The following RBFOX1 variants were observed in gnomAD, a reference collection of about 807,000 sequenced individuals.
RBFOX1 encodes RNA binding protein fox-1 homolog 1.
Under a neutral mutation model 57.7 loss-of-function variants are expected in RBFOX1, and 8 were observed. The ratio of observed to expected loss-of-function variants is 0.14; its 90% CI spans 0.08 to 0.25. RBFOX1 has a LOEUF of 0.25. RBFOX1 is among the 10% of genes least tolerant of loss of function. The probability of loss-of-function intolerance (pLI) is 1.00; values close to 1 mark genes in which losing one functional copy is unlikely to be tolerated. For missense variants in RBFOX1, 611 were observed against 548.5 expected, an observed-to-expected ratio of 1.11 and a Z score of -1.14; for synonymous variants, 326 against 222.4, an observed-to-expected ratio of 1.47 and a Z score of -4.15.
intron 3 of RBFOX1, among the ~76,000 whole-genome samples, chr16:6,732,161 T>A (rs2068779436): frequency 1.3e-5 from 2 of 152,130 alleles, no homozygotes; most frequent in Admixed American, 6.5e-5. Flanking sequence ...ATACATCTGA[T>A]CCCTCCATCT....
chr16:6,544,356 C>T (rs4786104), intron 2 of RBFOX1, among the ~76,000 whole-genome samples: 1 of 152,196 alleles, frequency 6.6e-6, no homozygotes, highest in Admixed American at 6.5e-5. Flanking sequence ...TGGAAAACCA[C>T]CTTTTCCCCT....
At chr16:5,357,895 C>T (rs1056474161) in intron 1 of RBFOX1, among the ~76,000 whole-genome samples, 13 of 152,124 alleles carry the variant, frequency 8.5e-5, no homozygotes, top group African/African-American at 3.1e-4. Context: ...AAATGTAAAC[C>T]AGATAAAAAT....
chr16:6,735,400 G>C (rs2069903727), intron 3 of RBFOX1, among the ~76,000 whole-genome samples: 1 of 152,138 alleles, frequency 6.6e-6, no homozygotes, highest in African/African-American at 2.4e-5. Context: ...TTAAGGATTG[G>C]AAAATTGTAA....
In RBFOX1 at chr16:7,549,600, G is replaced by A. The variant is rs556302854; in HGVS notation, c.271-30177G>A. On this transcript the variant is annotated intron_variant, in intron 5 of 15. Transcript: ENST00000550418. ...CTGACAGTGAAACCTTCAGTCTGTG[G>A]TTGAAGGTCCAAGAGTCCAAAAGCT... Among the ~76,000 whole-genome samples the A allele has an allele frequency of 2.0e-5, 3 of 152,306 alleles. No individual in the cohort carries two copies. The East Asian group carries it at 5.8e-4, about 29-fold the overall frequency.
At chr16:5,555,116 G>A (rs562150153) in intron 2 of RBFOX1, among the ~76,000 whole-genome samples, 29 of 152,286 alleles carry the variant, frequency 1.9e-4, no homozygotes, top group African/African-American at 6.7e-4. Flanking sequence ...AAAGCCCGGG[G>A]TACAGGGCAA....
At chr16:7,403,124 A>G (rs529302642) in intron 4 of RBFOX1, among the ~76,000 whole-genome samples, 1 of 152,258 alleles carries the variant, frequency 6.6e-6, no homozygotes, top group South Asian at 2.1e-4. Flanking sequence ...AATATAAATT[A>G]TGTACATTTA....
At chr16:7,123,774 C>T (rs1441419268) in intron 4 of RBFOX1, among the ~76,000 whole-genome samples, 1 of 152,042 alleles carries the variant, frequency 6.6e-6, no homozygotes, top group Non-Finnish European at 1.5e-5. Context: ...CTATAGATTA[C>T]TAATAATTTA....
chr16:5,793,396 T>A (rs1245825930), intron 3 of RBFOX1, among the ~76,000 whole-genome samples: 1 of 152,236 alleles, frequency 6.6e-6, no homozygotes, highest in Non-Finnish European at 1.5e-5. Flanking sequence ...AAATCTCCCT[T>A]GGTGAAGATT....
At chr16:6,435,056 A>G (rs746108504) in intron 2 of RBFOX1, among the ~76,000 whole-genome samples, 11 of 152,200 alleles carry the variant, frequency 7.2e-5, no homozygotes, top group Non-Finnish European at 1.6e-4. Flanking sequence ...TTCCTCATTA[A>G]TTCCATTAAT....
chr16:7,521,888 A>G (rs538412712), intron 5 of RBFOX1, among the ~76,000 whole-genome samples: 2 of 152,172 alleles, frequency 1.3e-5, no homozygotes, highest in Non-Finnish European at 2.9e-5. Flanking sequence ...TTCTAATGGG[A>G]AACCATCCTG....
At chr16:6,497,551 T>A (rs2095804198) in intron 2 of RBFOX1, among the ~76,000 whole-genome samples, 1 of 135,838 alleles carries the variant, frequency 7.4e-6, no homozygotes, top group African/African-American at 2.6e-5. Flanking sequence ...ACACCGATTT[T>A]TGAAGTTTTT....
intron 4 of RBFOX1, among the ~76,000 whole-genome samples, chr16:7,472,866 G>A (rs1487151717): frequency 6.6e-6 from 1 of 152,162 alleles, no homozygotes; most frequent in Non-Finnish European, 1.5e-5. Flanking sequence ...GGAAATGTGG[G>A]ATTTCTCTTA....
At chr16:6,360,126 A>T (rs1204484510) in intron 2 of RBFOX1, among the ~76,000 whole-genome samples, 1 of 152,118 alleles carries the variant, frequency 6.6e-6, no homozygotes, top group Non-Finnish European at 1.5e-5. Context: ...TCCAGTATGC[A>T]TCTGTTCTTG....
At chr16:6,270,270 C>A (rs1383973032) in intron 1 of RBFOX1, among the ~76,000 whole-genome samples, 1 of 151,884 alleles carries the variant, frequency 6.6e-6, no homozygotes, top group African/African-American at 2.4e-5. Flanking sequence ...CCTATATACA[C>A]CCTTTGTAAG....
chr16:6,410,934 C>A (rs1194879676), intron 2 of RBFOX1, among the ~76,000 whole-genome samples: 2 of 152,166 alleles, frequency 1.3e-5, no homozygotes, highest in Non-Finnish European at 2.9e-5. Flanking sequence ...CATTTGTGGG[C>A]TGGCTAAGGA....
intron 1 of RBFOX1, among the ~76,000 whole-genome samples, chr16:5,363,199 A>ATTTTTTTTTTT: frequency 8.2e-6 from 1 of 121,746 alleles, no homozygotes; most frequent in Admixed American, 8.3e-5. Flanking sequence ...GCCCCTGGCT[A>ATTTTTTTTTTT]TTTTTTTTTT....
chr16:5,587,083 A>G (rs1172020583), intron 2 of RBFOX1, among the ~76,000 whole-genome samples: 1 of 152,172 alleles, frequency 6.6e-6, no homozygotes, highest in African/African-American at 2.4e-5. Context: ...GAAAATGGAC[A>G]TGGCCCATTG....
chr16:6,245,232 C>G (rs1463255333), intron 1 of RBFOX1, among the ~76,000 whole-genome samples: 1 of 152,140 alleles, frequency 6.6e-6, no homozygotes, highest in South Asian at 2.1e-4. Flanking sequence ...TGAATATAAG[C>G]AGAAATGATG....
At chr16:7,431,404 TTG>T (rs113451964) in intron 4 of RBFOX1, 21 of 149,372 alleles carry the variant, frequency 1.4e-4, no homozygotes, top group Non-Finnish European at 2.2e-4. Flanking sequence ...TTTTTTAATT[TTG>T]TGTGTGTGTG....
Sources: allele counts gnomAD v4.1 joint callset (sites outside exome capture counted in the v4.1 genomes callset), GRCh38; gene constraint gnomAD v4.1.1; transcripts MANE v1.5; gene names NCBI Gene and HGNC (gene_info 2026-07-23, HGNC 2026-07-21).